LTBP4: variants seen among roughly 807,000 people sequenced by gnomAD.
The protein encoded by LTBP4 is latent-transforming growth factor beta-binding protein 4.
A neutral mutation model predicts 180.2 loss-of-function variants in LTBP4; 93 were observed. That is an observed-to-expected ratio of 0.52 (90% CI 0.44 to 0.61). The LOEUF (loss-of-function observed/expected upper bound fraction) is 0.61, where lower values mean the gene tolerates loss of function less well. Among genes scored for constraint, LTBP4 ranks in the 20% least tolerant of loss-of-function variants. LTBP4 has a pLI of 0.00. For missense variants in LTBP4, 2,116 were observed against 2,256.5 expected (o/e 0.94, Z 1.26); for synonymous variants, 947 against 934.5 (o/e 1.01, Z -0.24).
At chr19:40,615,200 G>GGT (rs1555737794) in intron 19 of LTBP4, 1 of 147,744 alleles carries the variant, frequency 6.8e-6, no homozygotes, top group Non-Finnish European at 1.5e-5. Flanking sequence ...CGGCGGGGGG[G>GGT]GGGGGGCGGT....
intron 1 of LTBP4, among the ~76,000 whole-genome samples, chr19:40,603,475 G>A (rs752557258): frequency 2.0e-4 from 31 of 152,084 alleles, no homozygotes; most frequent in Non-Finnish European, 7.4e-5. Flanking sequence ...TCTCCTAGGC[G>A]GCACTAGAGT....
chr19:40,626,474 G>A (rs552344043), intron 27 of LTBP4, among the ~76,000 whole-genome samples: 1 of 152,026 alleles, frequency 6.6e-6, no homozygotes, highest in Admixed American at 6.6e-5. Context: ...ACCACATCCG[G>A]GTGCCTAAGA....
Position 40,629,640 on chromosome 19 carries a change from G to T in LTBP4, c.*90G>T. The T allele has an allele frequency of 8.0e-7, 1 of 1,248,268 alleles. No individual in the cohort carries two copies. Among genetic ancestry groups the T allele is most frequent in the African/African-American group, 1.6e-5 (1 of 62,520 alleles). 77.3% of individuals were successfully genotyped at this position (1,248,268 alleles called of 1,614,324 possible). A position where few individuals can be genotyped will look rare whatever the true frequency, so the allele number is the denominator to read the frequency against. On this transcript the variant is annotated 3_prime_UTR_variant, in exon 30 of 30. Transcript: ENST00000396819. This position sits in a 1 kb window ranked among gnomAD's most constrained non-coding sequence, Gnocchi z 4.5. The stretch of plus-strand genomic sequence containing the variant: ...GCCCGCTTATGCGTATGTGCACGGG[G>T]CCGCCCGCCTGGACCTGGAGAAGGG...
rs377068556 is a variant in LTBP4 at position 40,617,172 on chromosome 19, A to T, written c.3017A>T (p.Gln1006Leu). ...TGCCAGAACCTGCCCGGCTCCTTCCAGTGCCTCTGTGACCAGGGTTACGAG... is the reference window on the plus strand; with the variant it reads ...TGCCAGAACCTGCCCGGCTCCTTCCTGTGCCTCTGTGACCAGGGTTACGAG... ...AVCQNLPGSF[Q>L]CLCDQGYEGA... The change falls in exon 21 of 30, where the codon CAG becomes CTG. Residue 1006 changes from glutamine (Q) to leucine (L), a missense_variant. This residue lies in a region of LTBP4 where 278 missense variants were observed against 373.0 expected (regional missense o/e 0.75). Transcript: ENST00000396819. The T allele has an allele frequency of 6.8e-6, 11 of 1,613,766 alleles. No homozygotes were observed. The highest frequency in any genetic ancestry group is 3.3e-4 in the Middle Eastern group (2 of 6,062).
rs199953680 is a variant in LTBP4 at position 40,627,371 on chromosome 19, G to A, written c.4366+16G>A. ...AGCTATGCTGGTGAGCACTGCCAGC[G>A]CATGATGAGACTGAGATGAGGGGTG... On this transcript the variant is annotated intron_variant, in intron 28 of 29. Transcript: ENST00000396819. The A allele has an allele frequency of 1.3e-6, 2 of 1,482,730 alleles. No homozygotes were observed. Among genetic ancestry groups the A allele is most frequent in the South Asian group, 1.4e-5 (1 of 74,030 alleles). 91.8% of individuals were successfully genotyped at this position (1,482,730 alleles called of 1,614,324 possible).
At position 40,611,145 on chromosome 19, in the gene LTBP4, T is replaced by G. The variant is rs1230498304; in HGVS notation, c.1811-7T>G. 6.2e-7 allele frequency: 1 copy of G among 1,610,500 alleles called. No individual in the cohort carries two copies. ...ACAAGTGACCCCGGGCCCCCTGCCC[T>G]GTGCAGATGTGGATGAATGCACCCA... On this transcript the variant is annotated splice_region_variant and splice_polypyrimidine_tract_variant and intron_variant, in intron 12 of 29. Coordinates refer to ENST00000396819, the MANE Select transcript of LTBP4 (RefSeq NM_001042545.2). The surrounding 1 kb of genome is among the most constrained non-coding windows in gnomAD (Gnocchi z 4.4).
Position 40,606,237 on chromosome 19 carries a change from C to A in LTBP4, c.798C>A (p.Asn266Lys). ...DCQLCSERLG[N>K]SERVSAPDGP... ...ACCCCTCTCCTCTCGCCACAGGGAACTCCGAAAGAGTGAGCGCCCCAGATG... is the reference window on the plus strand; with the variant it reads ...ACCCCTCTCCTCTCGCCACAGGGAAATCCGAAAGAGTGAGCGCCCCAGATG... Residue 266 changes from asparagine (N) to lysine (K), a missense_variant, in exon 5 of 30, where the codon AAC (asparagine) becomes AAA (lysine). Coordinates refer to ENST00000396819, the MANE Select transcript of LTBP4 (RefSeq NM_001042545.2). The A allele has an allele frequency of 1.9e-6, 3 of 1,587,410 alleles. No individual in the cohort carries two copies. The highest frequency in any genetic ancestry group is 2.6e-6 in the Non-Finnish European group (3 of 1,166,396).
chr19:40,610,561 C>T lies in LTBP4; in HGVS notation c.1714C>T (p.Pro572Ser), dbSNP rs777174554. 1.3e-6 allele frequency: 2 copies of T among 1,594,328 alleles called. No individual in the cohort carries two copies. The highest frequency in any genetic ancestry group is 1.7e-6 in the Non-Finnish European group (2 of 1,176,208). The part of the protein sequence containing the change: ...DVDECHRVPP[P>S]CDLGRCENTP... ...GGACGAGTGCCACCGCGTGCCGCCG[C>T]CGTGTGACCTCGGGCGCTGCGAGAA... Residue 572 changes from proline (P) to serine (S), a missense_variant, in exon 12 of 30, where the codon CCG becomes TCG. This residue lies in a region of LTBP4 where 877 missense variants were observed against 873.6 expected (regional missense o/e 1.00). Coordinates refer to ENST00000396819, the MANE Select transcript of LTBP4 (RefSeq NM_001042545.2).
At chr19:40,612,022 A>AG in intron 14 of LTBP4, 38 bp downstream of exon 14, 2 of 1,612,146 alleles carry the variant, frequency 1.2e-6, no homozygotes, top group South Asian at 1.1e-5. Flanking sequence ...TGGATGGGTG[A>AG]GGGGGGAGTT....
chr19:40,594,108 G>T (rs562143861), intron 1 of LTBP4, among the ~76,000 whole-genome samples: 2 of 151,062 alleles, frequency 1.3e-5, no homozygotes, highest in South Asian at 2.1e-4. Flanking sequence ...GGGAGGGGGT[G>T]GGGGGGGAGA....
rs2081659890 is a variant in LTBP4, at chr19:40,629,344, C to T, written c.4520-52C>T. 1.9e-6 allele frequency: 3 copies of T among 1,608,604 alleles called. No individual in the cohort carries two copies. The highest frequency in any genetic ancestry group is 2.5e-6 in the Non-Finnish European group (3 of 1,176,816). On this transcript the variant is annotated intron_variant, in intron 29 of 29. Transcript: ENST00000396819. This position sits in a 1 kb window ranked among gnomAD's most constrained non-coding sequence, Gnocchi z 4.5. ...CCAAGAACTTAAGGGGCCAAGGAGGCGAGCTTCTGGGGCCCCAGCCTTCAG... is the reference window on the plus strand; with the variant it reads ...CCAAGAACTTAAGGGGCCAAGGAGGTGAGCTTCTGGGGCCCCAGCCTTCAG...
At chr19:40,614,247 T>G (rs780007482) in intron 18 of LTBP4, 68 bp from the exon 19 acceptor site, 68 of 1,547,742 alleles carry the variant, frequency 4.4e-5, no homozygotes, top group Non-Finnish European at 5.9e-5. Flanking sequence ...GACTCTCCTC[T>G]CCCCTCTTTG....
intron 29 of LTBP4, among the ~76,000 whole-genome samples, chr19:40,628,703 T>A (rs1249026233): frequency 2.0e-5 from 3 of 152,182 alleles, no homozygotes; most frequent in Non-Finnish European, 4.4e-5. Flanking sequence ...TTGAGAGTCA[T>A]GTGCAAATGG....
intron 25 of LTBP4, 72 bp from the exon 26 acceptor site, chr19:40,623,864 A>G: frequency 1.3e-6 from 2 of 1,599,290 alleles, no homozygotes; most frequent in East Asian, 2.2e-5. Context: ...CACACTGCCA[A>G]TGTGCTGGGA....
At chr19:40,625,778 G>T in intron 26 of LTBP4, 79 bp from the exon 27 acceptor site, 6 of 1,316,466 alleles carry the variant, frequency 4.6e-6, no homozygotes, top group Non-Finnish European at 6.0e-6. Context: ...TGCCTGGGCT[G>T]CTCAGCAGGG....
intron 26 of LTBP4, among the ~76,000 whole-genome samples, chr19:40,624,717 TTATTTTATTTTTAA>T (rs1361453037): frequency 6.6e-6 from 1 of 151,954 alleles, no homozygotes. Context: ...TTATTTTATT[TTATTTTATTTTTAA>T]TTTTTAATTT....
intron 1 of LTBP4, among the ~76,000 whole-genome samples, chr19:40,603,773 A>C (rs1237814750): frequency 1.3e-5 from 2 of 152,258 alleles, no homozygotes; most frequent in East Asian, 3.9e-4. Context: ...TGTTCTCTGC[A>C]GCCCCGGGAG....
intron 19 of LTBP4, 91 bp downstream of exon 19, chr19:40,614,537 C>T: frequency 6.8e-7 from 1 of 1,461,338 alleles, no homozygotes; most frequent in African/African-American, 1.4e-5. Context: ...CCCTGCTTCC[C>T]AGACTTAGGC....
At chr19:40,615,193 C>CGCG (rs1555737677) in intron 19 of LTBP4, 1 of 23,598 alleles carries the variant, frequency 4.2e-5, no homozygotes, top group African/African-American at 1.7e-4. Context: ...TTTGTGTCGG[C>CGCG]GGGGGGGGGG....
Sources: gnomAD v4.1 joint callset for allele counts (sites outside exome capture counted in the v4.1 genomes callset) on GRCh38, gnomAD v4.1.1 for gene constraint, gnomAD v4.1.1 regional missense constraint, Gnocchi (gnomAD v3.1) non-coding constraint, MANE v1.5 for transcripts, NCBI Gene and HGNC (gene_info 2026-07-23, HGNC 2026-07-21) for gene names.